The following PRKAR1B variants were observed in gnomAD, a reference collection of about 807,000 sequenced individuals.
The protein encoded by PRKAR1B is protein kinase cAMP-dependent type I regulatory subunit beta, also known as cAMP-dependent protein kinase type I-beta regulatory subunit.
In PRKAR1B, 22 loss-of-function variants were observed where a neutral mutation model predicts 46.5. The observed-to-expected ratio is 0.47, with a 90% CI of 0.34 to 0.68. PRKAR1B has a LOEUF of 0.68. PRKAR1B is among the 30% of genes least tolerant of loss of function. PRKAR1B has a pLI of 0.01. For synonymous variants in PRKAR1B, 259 were observed against 217.7 expected, an observed-to-expected ratio of 1.19 and a Z score of -1.67; for missense variants, 445 against 535.6, an observed-to-expected ratio of 0.83 and a Z score of 1.67.
At chr7:652,891 G>T in intron 4 of PRKAR1B, among the ~76,000 whole-genome samples, 1 of 152,204 alleles carries the variant, frequency 6.6e-6, no homozygotes, top group South Asian at 2.1e-4. Flanking sequence ...TGGGTTGATG[G>T]GGCAGGCCTC....
chr7:678,054 T>A (rs1332188386), intron 3 of PRKAR1B, among the ~76,000 whole-genome samples: 3 of 152,148 alleles, frequency 2.0e-5, no homozygotes, highest in Non-Finnish European at 4.4e-5. Flanking sequence ...GCGGATCGCC[T>A]GAGGTCAAGA....
intron 4 of PRKAR1B, among the ~76,000 whole-genome samples, chr7:659,180 C>T (rs1049756981): frequency 6.6e-6 from 1 of 152,206 alleles, no homozygotes; most frequent in Non-Finnish European, 1.5e-5. Context: ...CTTTTCAGCA[C>T]GTCTCACTGC....
intron 4 of PRKAR1B, among the ~76,000 whole-genome samples, chr7:637,359 A>G (rs1299086179): frequency 6.6e-6 from 1 of 151,756 alleles, no homozygotes; most frequent in Admixed American, 6.6e-5. Flanking sequence ...GGAGATTGCA[A>G]TGAGCCGAGA....
At chr7:584,944 G>A (rs906809983) in intron 7 of PRKAR1B, among the ~76,000 whole-genome samples, 3 of 152,124 alleles carry the variant, frequency 2.0e-5, no homozygotes, top group African/African-American at 7.2e-5. Flanking sequence ...GAGAAACTGA[G>A]GCCAACACAG....
intron 4 of PRKAR1B, chr7:607,755 A>G: frequency 3.3e-6 from 1 of 298,514 alleles, no homozygotes; most frequent in South Asian, 4.3e-5. Context: ...TCCATTTAGA[A>G]AAACAAAAGT....
chr7:566,133 G>A (rs1028767602), intron 9 of PRKAR1B, among the ~76,000 whole-genome samples: 3 of 73,538 alleles, frequency 4.1e-5, no homozygotes, highest in East Asian at 8.8e-4. Flanking sequence ...AGTCACCACC[G>A]CTGCCACCTT....
At chr7:638,802 C>T (rs193263172) in intron 4 of PRKAR1B, among the ~76,000 whole-genome samples, 59 of 152,298 alleles carry the variant, frequency 3.9e-4, no homozygotes, top group Admixed American at 3.1e-3. Context: ...TGCGGCCGGG[C>T]GCGGGGGCTC....
At chr7:580,760 A>AAC (rs1554286525) in intron 8 of PRKAR1B, among the ~76,000 whole-genome samples, 1 of 148,972 alleles carries the variant, frequency 6.7e-6, no homozygotes, top group Non-Finnish European at 1.5e-5. Context: ...AAAAAAAAAA[A>AAC]AAACAAACGT....
intron 1 of PRKAR1B, chr7:726,725 C>T: frequency 8.1e-7 from 1 of 1,239,468 alleles, no homozygotes; most frequent in Non-Finnish European, 1.0e-6. Context: ...GGCAAGATGG[C>T]GGCGCTGGGG....
At chr7:568,584 AC>A (rs1344697037) in intron 9 of PRKAR1B, among the ~76,000 whole-genome samples, 2 of 152,048 alleles carry the variant, frequency 1.3e-5, no homozygotes, top group Non-Finnish European at 2.9e-5. Flanking sequence ...GGAGCAGACC[AC>A]CCCCCACAAG....
At chr7:566,116 A>G (rs995983873) in intron 9 of PRKAR1B, among the ~76,000 whole-genome samples, 1 of 152,306 alleles carries the variant, frequency 6.6e-6, no homozygotes. Context: ...AAAGCTAAAA[A>G]AGTGTTAGTC....
intron 4 of PRKAR1B, among the ~76,000 whole-genome samples, chr7:673,899 C>A (rs773205093): frequency 6.6e-6 from 1 of 152,242 alleles, no homozygotes; most frequent in Non-Finnish European, 1.5e-5. Flanking sequence ...GGCCCCTCCT[C>A]GCCTCTTCAG....
rs928572929 is a variant in PRKAR1B, at chr7:666,877, C to T, written c.440+10352G>A. Among the ~76,000 whole-genome samples, 9 of 152,192 alleles carry T rather than the reference C, an allele frequency of 5.9e-5. No individual in the cohort carries two copies. Among genetic ancestry groups the T allele is most frequent in the Admixed American group, 5.9e-4 (9 of 15,280 alleles). On this transcript the variant is annotated intron_variant, in intron 4 of 10. Coordinates refer to ENST00000537384, the MANE Select transcript of PRKAR1B (RefSeq NM_001164760.2). The surrounding 1 kb of genome is among the most constrained non-coding windows in gnomAD (Gnocchi z 4.9). ...GGCAAGGCACCATCCAGAAGAAGTA[C>T]CTTCATGGACTCCACTGCCACACAG...
chr7:594,471 A>G (rs976733320), intron 7 of PRKAR1B, among the ~76,000 whole-genome samples: 3 of 152,124 alleles, frequency 2.0e-5, no homozygotes, highest in Non-Finnish European at 4.4e-5. Flanking sequence ...GTCACCCCCA[A>G]CCAGCTCAGA....
At chr7:613,761 A>G (rs1562563550) in intron 4 of PRKAR1B, among the ~76,000 whole-genome samples, 1 of 152,208 alleles carries the variant, frequency 6.6e-6, no homozygotes, top group East Asian at 1.9e-4. Context: ...TAGAAATGCC[A>G]CTTCCTTCCT....
chr7:703,479 C>A (rs1241223833), intron 2 of PRKAR1B, among the ~76,000 whole-genome samples: 1 of 151,852 alleles, frequency 6.6e-6, no homozygotes, highest in Admixed American at 6.6e-5. Flanking sequence ...ACAGTGAAAC[C>A]CCATCTCTAC....
At chr7:688,848 C>T (rs1049260080) in intron 2 of PRKAR1B, among the ~76,000 whole-genome samples, 2 of 152,230 alleles carry the variant, frequency 1.3e-5, no homozygotes, top group Non-Finnish European at 2.9e-5. Flanking sequence ...CACTAGAATA[C>T]TGCCTGGGCT....
chr7:596,073 T>C, intron 7 of PRKAR1B, 73 bp downstream of exon 7: 5 of 1,543,186 alleles, frequency 3.2e-6, no homozygotes, highest in Non-Finnish European at 4.4e-6. Context: ...CCACCTTGAA[T>C]AGAGCTAGGG....
At chr7:687,868 G>T (rs2128513147) in intron 2 of PRKAR1B, among the ~76,000 whole-genome samples, 1 of 152,198 alleles carries the variant, frequency 6.6e-6, no homozygotes, top group Non-Finnish European at 1.5e-5. Flanking sequence ...GGCCGAGGCA[G>T]GCGGATCACC....
Sources: gnomAD v4.1 joint callset for allele counts (sites outside exome capture counted in the v4.1 genomes callset) on GRCh38, gnomAD v4.1.1 for gene constraint, Gnocchi (gnomAD v3.1) non-coding constraint, MANE v1.5 for transcripts, NCBI Gene and HGNC (gene_info 2026-07-23, HGNC 2026-07-21) for gene names.